Variants in NUBPL observed in about 807,000 individuals in gnomAD.
NUBPL encodes the protein NUBP iron-sulfur cluster assembly factor, mitochondrial.
NUBPL carries 31 observed loss-of-function variants against 45.7 expected under a neutral mutation model. The observed-to-expected ratio is 0.68, with a 90% CI of 0.51 to 0.92. The LOEUF (loss-of-function observed/expected upper bound fraction) is 0.92. NUBPL is among the 40% of genes least tolerant of loss of function. The pLI, the probability that NUBPL is intolerant of heterozygous loss-of-function variation, is 0.00. For synonymous variants in NUBPL, 144 were observed against 140.9 expected (o/e 1.02, Z -0.15); for missense variants, 401 against 398.7 (o/e 1.01, Z -0.05).
chr14:31,660,313 G>A (rs954944779), intron 4 of NUBPL, among the ~76,000 whole-genome samples: 2 of 152,038 alleles, frequency 1.3e-5, no homozygotes, highest in East Asian at 3.9e-4. Context: ...ATTTTCTGGT[G>A]GAACCACTTT....
chr14:31,609,994 G>A (rs907833547), intron 4 of NUBPL, among the ~76,000 whole-genome samples: 3 of 151,908 alleles, frequency 2.0e-5, no homozygotes, highest in Non-Finnish European at 4.4e-5. Flanking sequence ...ACAATTTAAC[G>A]ATGCATCTTA....
intron 8 of NUBPL, 32 bp downstream of exon 8, chr14:31,826,746 T>C: frequency 6.3e-7 from 1 of 1,576,260 alleles, no homozygotes; most frequent in Non-Finnish European, 8.7e-7. Context: ...GTGAAAAATA[T>C]AAAACTCTTC....
intron 4 of NUBPL, among the ~76,000 whole-genome samples, chr14:31,606,149 A>G (rs1368154329): frequency 6.8e-6 from 1 of 147,366 alleles, no homozygotes; most frequent in African/African-American, 2.5e-5. Flanking sequence ...GCTGGAGTAA[A>G]GTGGTGCCAT....
chr14:31,727,958 A>G (rs1349421381), intron 6 of NUBPL, among the ~76,000 whole-genome samples: 1 of 152,196 alleles, frequency 6.6e-6, no homozygotes, highest in African/African-American at 2.4e-5. Context: ...TTTATAAAAT[A>G]TAATAGTCTT....
intron 6 of NUBPL, among the ~76,000 whole-genome samples, chr14:31,689,632 A>G (rs1403541474): frequency 6.6e-6 from 1 of 152,078 alleles, no homozygotes; most frequent in African/African-American, 2.4e-5. Flanking sequence ...GTCTGTTGAT[A>G]GTTTCTTTTG....
At chr14:31,656,571 G>A (rs1404872059) in intron 4 of NUBPL, among the ~76,000 whole-genome samples, 1 of 152,066 alleles carries the variant, frequency 6.6e-6, no homozygotes, top group Non-Finnish European at 1.5e-5. Context: ...GAATAGGGAG[G>A]CCTGAGGAGA....
intron 6 of NUBPL, among the ~76,000 whole-genome samples, chr14:31,783,099 A>G (rs1208593659): frequency 6.6e-6 from 1 of 152,196 alleles, no homozygotes; most frequent in Non-Finnish European, 1.5e-5. Flanking sequence ...GAGTCAGCTA[A>G]CAAGGAGACA....
intron 4 of NUBPL, among the ~76,000 whole-genome samples, chr14:31,643,663 A>G (rs771097757): frequency 6.6e-6 from 1 of 152,116 alleles, no homozygotes; most frequent in Non-Finnish European, 1.5e-5. Flanking sequence ...CTGGCCTTAT[A>G]GGATCCGTTT....
intron 6 of NUBPL, among the ~76,000 whole-genome samples, chr14:31,777,306 G>A (rs1183224912): frequency 6.6e-6 from 1 of 152,176 alleles, no homozygotes; most frequent in Admixed American, 6.5e-5. Flanking sequence ...ACCTGCTCCA[G>A]GTCCATCTGG....
chr14:31,769,202 A>C (rs2038964866), intron 6 of NUBPL, among the ~76,000 whole-genome samples: 1 of 152,210 alleles, frequency 6.6e-6, no homozygotes, highest in African/African-American at 2.4e-5. Context: ...TGACAATAGC[A>C]AGCAGTTTCA....
chr14:31,612,521 C>T (rs188877352), intron 4 of NUBPL, among the ~76,000 whole-genome samples: 20 of 152,156 alleles, frequency 1.3e-4, no homozygotes, highest in Admixed American at 3.3e-4. Context: ...ATTAGCTGGG[C>T]GTGGTGGCAT....
At chr14:31,803,285 T>C (rs902271287) in intron 7 of NUBPL, among the ~76,000 whole-genome samples, 52 of 152,346 alleles carry the variant, frequency 3.4e-4, no homozygotes, top group African/African-American at 1.2e-3. Flanking sequence ...AAATAAAATC[T>C]TTTATTTTTT....
intron 7 of NUBPL, among the ~76,000 whole-genome samples, chr14:31,788,507 C>T (rs2039324500): frequency 6.6e-6 from 1 of 151,994 alleles, no homozygotes; most frequent in Non-Finnish European, 1.5e-5. Flanking sequence ...ATGTGTGTGC[C>T]CAGTGTTGGA....
At chr14:31,634,106 C>G (rs1221578117) in intron 4 of NUBPL, among the ~76,000 whole-genome samples, 2 of 151,352 alleles carry the variant, frequency 1.3e-5, no homozygotes, top group Non-Finnish European at 2.9e-5. Flanking sequence ...TATTATTATA[C>G]TTTAAGTTTT....
chr14:31,779,735 C>T (rs1225110882), intron 6 of NUBPL, among the ~76,000 whole-genome samples: 1 of 152,190 alleles, frequency 6.6e-6, no homozygotes, highest in Non-Finnish European at 1.5e-5. Context: ...GACTTGAAGA[C>T]AGTGCACAGA....
At chr14:31,719,588 T>C (rs1339656370) in intron 6 of NUBPL, among the ~76,000 whole-genome samples, 2 of 152,194 alleles carry the variant, frequency 1.3e-5, no homozygotes, top group East Asian at 3.8e-4. Flanking sequence ...TCCCACAGTT[T>C]GTGAGACAGT....
intron 6 of NUBPL, among the ~76,000 whole-genome samples, chr14:31,736,925 A>G (rs999133984): frequency 1.3e-5 from 2 of 152,154 alleles, no homozygotes; most frequent in Non-Finnish European, 2.9e-5. Context: ...TTAAAAATGC[A>G]TCTCCCTGTT....
rs2033628926 is a variant in NUBPL at position 31,573,013 on chromosome 14, CA to C, written c.291+7966del. ...GGGCACTTACCATGATTAGAGCTTG[CA>C]GGACTGATAGTTGTTCTGGGTGAGT... On this transcript the variant is annotated intron_variant, in intron 3 of 10. Transcript: ENST00000281081. Among the ~76,000 whole-genome samples, 3 of 152,160 alleles carry C rather than the reference CA, an allele frequency of 2.0e-5. No individual in the cohort carries two copies. The East Asian group carries it at 5.8e-4, about 29-fold the overall frequency.
chr14:31,565,769 G>A (rs1392932409), intron 3 of NUBPL, among the ~76,000 whole-genome samples: 10 of 151,840 alleles, frequency 6.6e-5, no homozygotes, highest in Non-Finnish European at 1.5e-4. Flanking sequence ...TAGATTCCTA[G>A]GAGTAAAACT....
Sources: gnomAD v4.1 joint callset for allele counts (sites outside exome capture counted in the v4.1 genomes callset) on GRCh38, gnomAD v4.1.1 for gene constraint, MANE v1.5 for transcripts, NCBI Gene and HGNC (gene_info 2026-07-23, HGNC 2026-07-21) for gene names.